Variants in TCTN1 observed in about 807,000 individuals in gnomAD.
TCTN1 encodes the protein tectonic-1.
Under a neutral mutation model 65.8 loss-of-function variants are expected in TCTN1, and 58 were observed. The observed-to-expected ratio is 0.88, with a 90% confidence interval of 0.71 to 1.10. The LOEUF is 1.10. Ranked by LOEUF, TCTN1 falls within the 50% of genes least tolerant of loss-of-function variation. The pLI is 0.00. For synonymous variants in TCTN1, 273 were observed against 289.1 expected (o/e 0.94, Z 0.57); for missense variants, 645 against 719.4 (o/e 0.90, Z 1.18).
intron 11 of TCTN1, chr12:110,643,260 CT>C (rs2067081599): frequency 6.6e-6 from 1 of 152,118 alleles, no homozygotes; most frequent in Admixed American, 6.5e-5. Flanking sequence ...AATATTTCCC[CT>C]GACAATATTT....
At position 110,614,359 on chromosome 12, in the gene TCTN1, T is replaced by C; in HGVS notation, c.177T>C (p.Ala59=). The C allele has an allele frequency of 6.2e-7, 1 of 1,606,408 alleles. No individual in the cohort carries two copies. The highest frequency in any genetic ancestry group is 8.5e-7 in the Non-Finnish European group (1 of 1,177,220). The change falls in exon 1 of 15, where the codon GCT becomes GCC. Residue 59 remains alanine, a synonymous_variant. Coordinates refer to ENST00000397659, the MANE Select transcript of TCTN1 (RefSeq NM_001082538.3). ...PSTRPPGTPR[A]PGPSSGPRPT... The stretch of plus-strand genomic sequence containing the variant: ...CCAGGCCCCCCGGGACTCCCAGGGC[T>C]CCAGGGCCCTCCTCCGGCCCCAGGC...
Position 110,616,263 on chromosome 12 carries a change from T to A in TCTN1, c.220+1861T>A. ...CTTGTCCTCACACTTTATTTTTTTTTTTTTTGGTCACAGGGTCTCACTCTG... is the reference window on the plus strand; with the variant it reads ...CTTGTCCTCACACTTTATTTTTTTTATTTTTGGTCACAGGGTCTCACTCTG... On this transcript the variant is annotated intron_variant, in intron 1 of 14. Transcript: ENST00000397659. The A allele has an allele frequency of 4.4e-6, 2 of 452,288 alleles. 1 individual carries two copies. The highest frequency in any genetic ancestry group is 3.1e-5 in the South Asian group (2 of 64,320). The allele number at this position is 452,288 out of a possible 1,614,324, so 28.0% of individuals were successfully genotyped here.
At chr12:110,637,741 C>T (rs541224393) in intron 7 of TCTN1, among the ~76,000 whole-genome samples, 2 of 152,326 alleles carry the variant, frequency 1.3e-5, no homozygotes, top group South Asian at 4.1e-4. Context: ...GCTCTCACCT[C>T]CCTCCAACCC....
Position 110,640,178 on chromosome 12 carries a change from G to A in TCTN1, c.844-205G>A, listed in dbSNP as rs764915847. ...AGAGGTAACTACTTTTAAAGTTTTG[G>A]TTATATCCTCTCAAGTATTTTCTTT... is the stretch of plus-strand genomic sequence containing the variant. On this transcript the variant is annotated intron_variant, in intron 7 of 14. Coordinates refer to ENST00000397659, the MANE Select transcript of TCTN1 (RefSeq NM_001082538.3). This position sits in a 1 kb window ranked among gnomAD's most constrained non-coding sequence, Gnocchi z 4.9. Among the ~76,000 whole-genome samples the A allele has an allele frequency of 6.6e-6, 1 of 152,032 alleles. No homozygotes were observed. The highest frequency in any genetic ancestry group is 1.9e-4 in the East Asian group (1 of 5,198).
At position 110,649,084 on chromosome 12, in the gene TCTN1, T is replaced by G. The variant is rs1277242496; in HGVS notation, c.*43T>G. On this transcript the variant is annotated 3_prime_UTR_variant, in exon 15 of 15. Coordinates refer to ENST00000397659, the MANE Select transcript of TCTN1 (RefSeq NM_001082538.3). ...AGTTCCTTAATATACACGTGAAATT[T>G]GAAAACTGTACATTCGGTGAGATTA... 1 of 597,570 alleles carries G rather than the reference T, an allele frequency of 1.7e-6. No homozygotes were observed. The allele number at this position is 597,570 out of a possible 1,614,324, so 37.0% of individuals were successfully genotyped here. A position where few individuals can be genotyped will look rare whatever the true frequency, so the allele number is the denominator to read the frequency against.
intron 5 of TCTN1, among the ~76,000 whole-genome samples, chr12:110,634,214 T>C (rs138399142): frequency 2.2e-3 from 331 of 152,262 alleles, no homozygotes; most frequent in African/African-American, 7.7e-3. Flanking sequence ...TTTATTTCCA[T>C]AGAATATTTC....
chr12:110,648,410 A>ATGAT (rs974639828), intron 14 of TCTN1, among the ~76,000 whole-genome samples: 3 of 152,164 alleles, frequency 2.0e-5, no homozygotes, highest in Non-Finnish European at 4.4e-5. Context: ...TAGGTCATAG[A>ATGAT]TGATAGAACC....
chr12:110,622,295 T>G (rs974237882), intron 2 of TCTN1, among the ~76,000 whole-genome samples: 65 of 152,276 alleles, frequency 4.3e-4, no homozygotes, highest in African/African-American at 1.5e-3. Context: ...CCCTTGCCTC[T>G]TCCTTTCCTT....
Position 110,640,289 on chromosome 12 carries a change from T to C in TCTN1, c.844-94T>C. ...TAGCATGCTTCCCCCTACTTGGCCA[T>C]ATATCAGGGGAGGTTTCTTTCCAGT... On this transcript the variant is annotated intron_variant, in intron 7 of 14. Coordinates refer to ENST00000397659, the MANE Select transcript of TCTN1 (RefSeq NM_001082538.3). The surrounding 1 kb of genome is among the most constrained non-coding windows in gnomAD (Gnocchi z 4.9). The C allele has an allele frequency of 6.7e-7, 1 of 1,499,776 alleles. No homozygotes were observed. Among genetic ancestry groups the C allele is most frequent in the South Asian group, 1.2e-5 (1 of 86,630 alleles). 92.9% of individuals were successfully genotyped at this position (1,499,776 alleles called of 1,614,324 possible). A position where few individuals can be genotyped will look rare whatever the true frequency, so the allele number is the denominator to read the frequency against.
chr12:110,636,524 G>A (rs2066580740), intron 7 of TCTN1, 23 bp downstream of exon 7: 18 of 1,234,566 alleles, frequency 1.5e-5, no homozygotes, highest in Non-Finnish European at 2.1e-5. Context: ...ATTTATTTTT[G>A]TAATAGAAAG....
At chr12:110,625,109 A>G (rs2065741663) in intron 2 of TCTN1, among the ~76,000 whole-genome samples, 1 of 152,226 alleles carries the variant, frequency 6.6e-6, no homozygotes, top group South Asian at 2.1e-4. Context: ...TATTCTGGGT[A>G]CTTTTAAACA....
Position 110,640,040 on chromosome 12 carries a change from G to C in TCTN1, c.844-343G>C, listed in dbSNP as rs941413919. The stretch of plus-strand genomic sequence containing the variant: ...ATATGCCTTTGTAAGGCTAGACTTT[G>C]TATTTATCCATTCATCAGTTGATGG... On this transcript the variant is annotated intron_variant, in intron 7 of 14. Coordinates refer to ENST00000397659, the MANE Select transcript of TCTN1 (RefSeq NM_001082538.3). This position sits in a 1 kb window ranked among gnomAD's most constrained non-coding sequence, Gnocchi z 4.9. Among the ~76,000 whole-genome samples the C allele has an allele frequency of 2.0e-5, 3 of 152,194 alleles. No individual in the cohort carries two copies. The highest frequency in any genetic ancestry group is 4.4e-5 in the Non-Finnish European group (3 of 68,026).
intron 2 of TCTN1, among the ~76,000 whole-genome samples, chr12:110,620,424 G>T (rs1460209705): frequency 6.6e-6 from 1 of 151,784 alleles, no homozygotes; most frequent in Non-Finnish European, 1.5e-5. Flanking sequence ...AAAAAAAGTA[G>T]CTATCCCTTA....
rs1012424351 is a variant in TCTN1 at position 110,640,726 on chromosome 12, T to C, written c.978+209T>C. Among the ~76,000 whole-genome samples, 2 of 152,224 alleles carry C rather than the reference T, an allele frequency of 1.3e-5. No homozygotes were observed. The highest frequency in any genetic ancestry group is 4.8e-5 in the African/African-American group (2 of 41,460). On this transcript the variant is annotated intron_variant, in intron 8 of 14. Transcript: ENST00000397659. This position sits in a 1 kb window ranked among gnomAD's most constrained non-coding sequence, Gnocchi z 4.9. ...AGTGACTTGCCGGAATACATCAAAA[T>C]ATTTTTGTTGTTGCTGTTTTTGTTT...
intron 5 of TCTN1, 100 bp from the exon 6 acceptor site, chr12:110,634,570 C>T: frequency 2.3e-6 from 2 of 865,488 alleles, no homozygotes; most frequent in South Asian, 3.1e-5. Flanking sequence ...ACTTATTTTA[C>T]AGTTTTACCT....
intron 3 of TCTN1, 148 bp from the exon 4 acceptor site, chr12:110,628,619 G>T: frequency 1.3e-6 from 1 of 753,122 alleles, no homozygotes. Context: ...GAGATTACAG[G>T]CGTGAGCCCA....
chr12:110,645,810 C>A, intron 12 of TCTN1: 1 of 154,406 alleles, frequency 6.5e-6, no homozygotes. Context: ...AATTGCCCAG[C>A]TTGTTCTTGT....
At chr12:110,620,387 G>C (rs950617640) in intron 2 of TCTN1, among the ~76,000 whole-genome samples, 148 of 151,648 alleles carry the variant, frequency 9.8e-4, no homozygotes, top group Non-Finnish European at 1.9e-3. Flanking sequence ...TAGCCTGGGT[G>C]ACAGAGCGAG....
chr12:110,634,302 A>T, intron 5 of TCTN1: 1 of 438,028 alleles, frequency 2.3e-6, no homozygotes, highest in South Asian at 1.6e-5. Context: ...CAGGACAAGA[A>T]TTGGAGGGGG....
Sources: allele counts gnomAD v4.1 joint callset (sites outside exome capture counted in the v4.1 genomes callset), GRCh38; gene constraint gnomAD v4.1.1; non-coding constraint Gnocchi (gnomAD v3.1); transcripts MANE v1.5; gene names NCBI Gene and HGNC (gene_info 2026-07-23, HGNC 2026-07-21).